The following CCSER1 variants were observed in gnomAD, a reference collection of about 807,000 sequenced individuals.
CCSER1 encodes the protein coiled-coil serine rich protein 1.
CCSER1 carries 41 observed loss-of-function variants against 82.0 expected under a neutral mutation model. The observed-to-expected ratio is 0.50, with a 90% CI of 0.39 to 0.65. CCSER1 has a LOEUF of 0.65. Ranked by LOEUF, CCSER1 falls within the 30% of genes least tolerant of loss-of-function variation. The probability of loss-of-function intolerance (pLI) is 0.00; values close to 1 mark genes in which losing one functional copy is unlikely to be tolerated. For synonymous variants in CCSER1, 414 were observed against 383.9 expected (o/e 1.08, Z -0.92); for missense variants, 1,119 against 1,064.2 (o/e 1.05, Z -0.72).
chr4:90,750,490 A>G (rs1748422239), intron 7 of CCSER1, among the ~76,000 whole-genome samples: 1 of 152,130 alleles, frequency 6.6e-6, no homozygotes, highest in African/African-American at 2.4e-5. Flanking sequence ...GCAAGGAGGT[A>G]CACTGCTGGC....
chr4:90,863,078 A>G (rs1054709413), intron 8 of CCSER1, among the ~76,000 whole-genome samples: 11 of 151,104 alleles, frequency 7.3e-5, no homozygotes, highest in African/African-American at 2.7e-4. Flanking sequence ...TCCTAATGCT[A>G]TCCCTCCCCG....
At chr4:90,584,685 AG>A (rs1172745975) in intron 5 of CCSER1, among the ~76,000 whole-genome samples, 1 of 152,238 alleles carries the variant, frequency 6.6e-6, no homozygotes, top group Admixed American at 6.5e-5. Context: ...CATGTAACAC[AG>A]TGCTTACTAG....
At chr4:91,054,978 T>G (rs2148718851) in intron 9 of CCSER1, among the ~76,000 whole-genome samples, 1 of 152,274 alleles carries the variant, frequency 6.6e-6, no homozygotes, top group East Asian at 1.9e-4. Flanking sequence ...CTATTTACAT[T>G]TAAAGACTTT....
At chr4:91,248,139 TAAAC>T (rs1204709858) in intron 10 of CCSER1, among the ~76,000 whole-genome samples, 3 of 152,102 alleles carry the variant, frequency 2.0e-5, no homozygotes, top group East Asian at 3.9e-4. Context: ...AACAACAAGA[TAAAC>T]AAAATAGTAT....
intron 5 of CCSER1, among the ~76,000 whole-genome samples, chr4:90,518,938 C>A (rs1461795615): frequency 2.6e-5 from 4 of 151,702 alleles, no homozygotes; most frequent in Non-Finnish European, 5.9e-5. Flanking sequence ...AGTATTTGGG[C>A]TGAAAAGAGC....
chr4:91,073,270 C>T (rs17018021), intron 9 of CCSER1, among the ~76,000 whole-genome samples: 15,281 of 151,840 alleles, frequency 0.1, 1,010 homozygotes, highest in East Asian at 0.27. Flanking sequence ...TTTAGAAATC[C>T]CTCTGTGACT....
intron 10 of CCSER1, among the ~76,000 whole-genome samples, chr4:91,170,523 G>T (rs1465658162): frequency 5.9e-5 from 9 of 152,178 alleles, no homozygotes; most frequent in Admixed American, 5.9e-4. Context: ...GACTGGGTGT[G>T]AAATTTTCTT....
intron 10 of CCSER1, among the ~76,000 whole-genome samples, chr4:91,397,346 G>A (rs1354196093): frequency 1.3e-5 from 2 of 151,924 alleles, no homozygotes; most frequent in East Asian, 1.9e-4. Flanking sequence ...ATAATAAATG[G>A]ATTACATAAG....
At chr4:90,377,878 TA>T (rs773705101) in intron 3 of CCSER1, among the ~76,000 whole-genome samples, 23 of 152,146 alleles carry the variant, frequency 1.5e-4, no homozygotes, top group Non-Finnish European at 2.6e-4. Flanking sequence ...GTCATTCATT[TA>T]AAAAATGTGT....
rs1219475718 is a variant in CCSER1 at position 91,012,994 on chromosome 4, T to C, written c.2173-72956T>C. On this transcript the variant is annotated intron_variant, in intron 9 of 10. Coordinates refer to ENST00000509176, the MANE Select transcript of CCSER1 (RefSeq NM_001145065.2). ...GGTGGTTGAGGCCAAGTGTTTTATT[T>C]TATTTTATACATGGCTTTCCTTTCT... Among the ~76,000 whole-genome samples the C allele has an allele frequency of 2.2e-5, 3 of 134,708 alleles. 1 individual carries two copies. The highest frequency in any genetic ancestry group is 5.2e-5 in the Non-Finnish European group (3 of 57,848). 88.4% of individuals were successfully genotyped at this position (134,708 alleles called of 152,430 possible).
intron 5 of CCSER1, among the ~76,000 whole-genome samples, chr4:90,549,589 G>A (rs1055529068): frequency 4.6e-5 from 7 of 152,232 alleles, no homozygotes; most frequent in Middle Eastern, 3.4e-3. Flanking sequence ...TACCATATGC[G>A]TATATAGAAC....
intron 4 of CCSER1, among the ~76,000 whole-genome samples, chr4:90,412,051 C>T (rs1754938489): frequency 6.6e-6 from 1 of 151,878 alleles, no homozygotes; most frequent in African/African-American, 2.4e-5. Flanking sequence ...ATAGCAAAGA[C>T]TTTGAACCAA....
chr4:91,455,682 C>T (rs531065783), intron 10 of CCSER1, among the ~76,000 whole-genome samples: 20 of 152,122 alleles, frequency 1.3e-4, no homozygotes, highest in Admixed American at 5.9e-4. Flanking sequence ...AGACTGAAGG[C>T]GTGATTATGC....
intron 5 of CCSER1, among the ~76,000 whole-genome samples, chr4:90,584,678 G>A (rs1781792965): frequency 6.6e-6 from 1 of 152,186 alleles, no homozygotes; most frequent in Admixed American, 6.5e-5. Context: ...AATATGCCAT[G>A]TAACACAGTG....
At chr4:91,044,780 C>G (rs1742297316) in intron 9 of CCSER1, among the ~76,000 whole-genome samples, 1 of 152,202 alleles carries the variant, frequency 6.6e-6, no homozygotes, top group African/African-American at 2.4e-5. Context: ...TACATCTCAT[C>G]AAAGCACCTG....
intron 8 of CCSER1, among the ~76,000 whole-genome samples, chr4:90,820,671 T>G (rs1211275382): frequency 6.6e-6 from 1 of 151,900 alleles, no homozygotes. Context: ...ATTAAAAATA[T>G]TACATATTTA....
chr4:91,233,824 A>G (rs1344897410), intron 10 of CCSER1, among the ~76,000 whole-genome samples: 1 of 151,830 alleles, frequency 6.6e-6, no homozygotes, highest in Admixed American at 6.6e-5. Flanking sequence ...ACCTTCCTTT[A>G]TAGATGTGAC....
intron 10 of CCSER1, among the ~76,000 whole-genome samples, chr4:91,326,518 C>T (rs934194744): frequency 5.9e-5 from 9 of 152,172 alleles, no homozygotes; most frequent in Admixed American, 5.9e-4. Context: ...GATAACAATT[C>T]ATCATGTGAT....
intron 3 of CCSER1, among the ~76,000 whole-genome samples, chr4:90,342,621 G>C (rs1284481655): frequency 6.6e-6 from 1 of 152,138 alleles, no homozygotes; most frequent in East Asian, 1.9e-4. Context: ...GCAAGTGAAA[G>C]AACCATAGCA....
Sources: allele counts gnomAD v4.1 joint callset (sites outside exome capture counted in the v4.1 genomes callset), GRCh38; gene constraint gnomAD v4.1.1; transcripts MANE v1.5; gene names NCBI Gene and HGNC (gene_info 2026-07-23, HGNC 2026-07-21).